SMU1: variants seen among roughly 807,000 people sequenced by gnomAD.
SMU1 encodes the protein WD40 repeat-containing protein SMU1.
In SMU1, 2 loss-of-function variants were observed where a neutral mutation model predicts 62.0. That is an observed-to-expected ratio of 0.03 (90% CI 0.01 to 0.10). The LOEUF is 0.10. SMU1 is among the 10% of genes least tolerant of loss of function. SMU1 has a pLI of 1.00. For missense variants in SMU1, 227 were observed against 622.1 expected, an observed-to-expected ratio of 0.36 and a Z score of 6.76; for synonymous variants, 188 against 212.4, an observed-to-expected ratio of 0.89 and a Z score of 1.00.
intron 4 of SMU1, among the ~76,000 whole-genome samples, chr9:33,067,463 A>G (rs2117853070): frequency 6.6e-6 from 1 of 150,852 alleles, no homozygotes; most frequent in Middle Eastern, 3.4e-3. Flanking sequence ...ATGCACTGCT[A>G]TTAGTTTGAT....
At chr9:33,062,820 G>A (rs1024483041) in intron 4 of SMU1, among the ~76,000 whole-genome samples, 2 of 151,934 alleles carry the variant, frequency 1.3e-5, no homozygotes, top group Non-Finnish European at 2.9e-5. Context: ...TATATTCCTG[G>A]AAAAGAAATT....
chr9:33,063,537 G>C (rs1839386892), intron 4 of SMU1, among the ~76,000 whole-genome samples: 1 of 152,172 alleles, frequency 6.6e-6, no homozygotes, highest in Admixed American at 6.5e-5. Flanking sequence ...CCCAACCCCT[G>C]AACTGCAGAC....
rs539939020 is a variant in SMU1, at chr9:33,052,048, G to A, written c.1290+1075C>T. The stretch of plus-strand genomic sequence containing the variant: ...AAAAAAAAAAACAGTTCTGTATCCT[G>A]ATTGTAATGGTGGTTACATGACTCT... On this transcript the variant is annotated intron_variant, in intron 10 of 11. Coordinates refer to ENST00000397149, the MANE Select transcript of SMU1 (RefSeq NM_018225.3). Among the ~76,000 whole-genome samples, 9 of 151,160 alleles carry A rather than the reference G, an allele frequency of 6.0e-5. No homozygotes were observed. In the South Asian group the frequency reaches 1.9e-3, roughly 32 times the overall value.
intron 1 of SMU1, among the ~76,000 whole-genome samples, chr9:33,074,433 TACAC>T (rs370222995): frequency 2.0e-5 from 3 of 149,152 alleles, no homozygotes; most frequent in Non-Finnish European, 4.5e-5. Context: ...ACCCCTTCTC[TACAC>T]ACACACACAC....
rs1839172960 is a variant in SMU1, at chr9:33,045,376, C to T, written c.*1917G>A. The T allele has an allele frequency of 6.6e-6, 1 of 152,192 alleles. No homozygotes were observed. The highest frequency in any genetic ancestry group is 1.5e-5 in the Non-Finnish European group (1 of 68,044). 9.4% of individuals were successfully genotyped at this position (152,192 alleles called of 1,614,324 possible). ...CATTTTTAAATCATCAAAATGGCAG[C>T]AAATGTCATTACCTGGACCAAAAAG... is the stretch of plus-strand genomic sequence containing the variant. On this transcript the variant is annotated 3_prime_UTR_variant, in exon 12 of 12. Transcript: ENST00000397149.
rs1163559868 is a variant in SMU1 at position 33,046,175 on chromosome 9, C to T, written c.*1118G>A. On this transcript the variant is annotated 3_prime_UTR_variant, in exon 12 of 12. Coordinates refer to ENST00000397149, the MANE Select transcript of SMU1 (RefSeq NM_018225.3). Reference sequence around the variant, plus strand: ...AGGAGACTTTTCTAAATCTCAAGTCCTTTGCTAATTTTTCTTTGGAACAAC... The same window carrying T: ...AGGAGACTTTTCTAAATCTCAAGTCTTTTGCTAATTTTTCTTTGGAACAAC... 1 of 152,170 alleles carries T rather than the reference C, an allele frequency of 6.6e-6. No individual in the cohort carries two copies. Among genetic ancestry groups the T allele is most frequent in the Non-Finnish European group, 1.5e-5 (1 of 68,024 alleles). The allele number at this position is 152,170 out of a possible 1,614,324, so 9.4% of individuals were successfully genotyped here. A position where few individuals can be genotyped will look rare whatever the true frequency, so the allele number is the denominator to read the frequency against.
chr9:33,053,869 T>C (rs1357419530), intron 9 of SMU1, among the ~76,000 whole-genome samples: 4 of 152,250 alleles, frequency 2.6e-5, no homozygotes, highest in Non-Finnish European at 5.9e-5. Flanking sequence ...CTTTTAAAAA[T>C]CTATGATCTT....
At chr9:33,056,280 A>G (rs767070005) in intron 8 of SMU1, 41 bp from the exon 9 acceptor site, 3 of 1,578,604 alleles carry the variant, frequency 1.9e-6, no homozygotes, top group Non-Finnish European at 2.6e-6. Context: ...TAAATATTTA[A>G]TATCTTATGG....
rs372068477 is a variant in SMU1, at chr9:33,047,255, G to A, written c.*38C>T. On this transcript the variant is annotated 3_prime_UTR_variant, in exon 12 of 12. Coordinates refer to ENST00000397149, the MANE Select transcript of SMU1 (RefSeq NM_018225.3). ...CATTACATGAATATGCTTCATTTAA[G>A]TACATGCTTTCGAGCTGATTTAAAA... 24 of 1,350,646 alleles carry A rather than the reference G, an allele frequency of 1.8e-5. No individual in the cohort carries two copies. The highest frequency in any genetic ancestry group is 2.4e-5 in the Non-Finnish European group (23 of 959,684). The allele number at this position is 1,350,646 out of a possible 1,614,324, so 83.7% of individuals were successfully genotyped here.
At chr9:33,069,931 A>G (rs1587712906) in intron 3 of SMU1, among the ~76,000 whole-genome samples, 1 of 152,100 alleles carries the variant, frequency 6.6e-6, no homozygotes, top group East Asian at 1.9e-4. Flanking sequence ...TTCGAGACCA[A>G]CCTGGCCAAC....
At chr9:33,068,256 A>C (rs543468652) in intron 4 of SMU1, among the ~76,000 whole-genome samples, 1 of 152,300 alleles carries the variant, frequency 6.6e-6, no homozygotes, top group Non-Finnish European at 1.5e-5. Context: ...CATAGGGATC[A>C]ACTGTACTCT....
chr9:33,053,379 A>G, intron 9 of SMU1, 89 bp from the exon 10 acceptor site: 2 of 1,290,962 alleles, frequency 1.5e-6, no homozygotes, highest in Non-Finnish European at 2.1e-6. Context: ...GTTTACTAAA[A>G]AAGAATAGAA....
At chr9:33,060,424 A>AT (rs766542026) in intron 6 of SMU1, 41 bp downstream of exon 6, 54 of 1,556,414 alleles carry the variant, frequency 3.5e-5, no homozygotes, top group Non-Finnish European at 4.2e-5. Flanking sequence ...AAAGCAGGTA[A>AT]TTTTTCCACT....
chr9:33,058,314 A>G (rs1839323601), intron 6 of SMU1, among the ~76,000 whole-genome samples: 1 of 152,192 alleles, frequency 6.6e-6, no homozygotes, highest in South Asian at 2.1e-4. Context: ...GATAAAAATT[A>G]CATTTTATTT....
chr9:33,063,881 CTAATT>C (rs1317358255), intron 4 of SMU1, among the ~76,000 whole-genome samples: 1 of 151,786 alleles, frequency 6.6e-6, no homozygotes, highest in Non-Finnish European at 1.5e-5. Flanking sequence ...AAAATTTTAG[CTAATT>C]TAATAAGTAG....
At chr9:33,059,155 A>C (rs1228569444) in intron 6 of SMU1, among the ~76,000 whole-genome samples, 1 of 152,246 alleles carries the variant, frequency 6.6e-6, no homozygotes, top group Non-Finnish European at 1.5e-5. Context: ...CAATCCATGC[A>C]ATGTAATATA....
intron 1 of SMU1, 87 bp downstream of exon 1, chr9:33,076,496 G>C: frequency 6.5e-7 from 1 of 1,533,492 alleles, no homozygotes; most frequent in Non-Finnish European, 9.0e-7. Flanking sequence ...CTGGCCTCTC[G>C]GATGCCTTCT....
intron 3 of SMU1, among the ~76,000 whole-genome samples, chr9:33,069,669 G>A (rs1839464577): frequency 6.6e-6 from 1 of 152,176 alleles, no homozygotes; most frequent in South Asian, 2.1e-4. Flanking sequence ...GGCCATAGTG[G>A]TGGGTGCCTG....
chr9:33,057,924 A>G (rs1012182298), intron 6 of SMU1, among the ~76,000 whole-genome samples: 4 of 152,256 alleles, frequency 2.6e-5, no homozygotes, highest in African/African-American at 9.6e-5. Flanking sequence ...AATTAGTATT[A>G]TAAAAAATAC....
Sources: allele counts gnomAD v4.1 joint callset (sites outside exome capture counted in the v4.1 genomes callset), GRCh38; gene constraint gnomAD v4.1.1; transcripts MANE v1.5; gene names NCBI Gene and HGNC (gene_info 2026-07-23, HGNC 2026-07-21).